Variants in CACNA2D1 observed in about 807,000 individuals in gnomAD.
The protein encoded by CACNA2D1 is calcium voltage-gated channel auxiliary subunit alpha2delta 1.
Under a neutral mutation model 171.5 loss-of-function variants are expected in CACNA2D1, and 53 were observed. The ratio of observed to expected loss-of-function variants is 0.31; its 90% confidence interval spans 0.25 to 0.39. The LOEUF (loss-of-function observed/expected upper bound fraction) is 0.39. CACNA2D1 is among the 10% of genes least tolerant of loss of function. The probability of loss-of-function intolerance (pLI) is 1.00; values close to 1 mark genes in which losing one functional copy is unlikely to be tolerated. For missense variants in CACNA2D1, 903 were observed against 1,299.8 expected (o/e 0.69, Z 4.69); for synonymous variants, 442 against 443.1 (o/e 1.00, Z 0.03).
chr7:82,427,491 T>A (rs1387549335), intron 1 of CACNA2D1, among the ~76,000 whole-genome samples: 1 of 152,200 alleles, frequency 6.6e-6, no homozygotes, highest in African/African-American at 2.4e-5. Flanking sequence ...AGGTCTTACA[T>A]CTAGTTAATG....
chr7:82,223,900 A>G (rs1219620837), intron 3 of CACNA2D1, among the ~76,000 whole-genome samples: 1 of 151,506 alleles, frequency 6.6e-6, no homozygotes, highest in Non-Finnish European at 1.5e-5. Context: ...ACTCCACCCC[A>G]CTCCAATTTC....
intron 3 of CACNA2D1, among the ~76,000 whole-genome samples, chr7:82,201,987 T>C (rs1799486271): frequency 6.6e-6 from 1 of 152,126 alleles, no homozygotes; most frequent in South Asian, 2.1e-4. Context: ...TACTGTCCTG[T>C]AAGGAAAACG....
intron 3 of CACNA2D1, among the ~76,000 whole-genome samples, chr7:82,259,797 T>A (rs1806840426): frequency 6.6e-6 from 1 of 152,226 alleles, no homozygotes; most frequent in African/African-American, 2.4e-5. Context: ...GACTACTGAC[T>A]AACACTTATT....
At chr7:82,241,823 T>G (rs1804334498) in intron 3 of CACNA2D1, among the ~76,000 whole-genome samples, 1 of 152,142 alleles carries the variant, frequency 6.6e-6, no homozygotes, top group South Asian at 2.1e-4. Flanking sequence ...AATGGCAAGG[T>G]AAGAGCAGGA....
chr7:82,195,731 G>A (rs2129194941), intron 3 of CACNA2D1, among the ~76,000 whole-genome samples: 1 of 151,344 alleles, frequency 6.6e-6, no homozygotes, highest in Admixed American at 6.6e-5. Flanking sequence ...TTCACAGCTT[G>A]GCCTGGCTCA....
intron 7 of CACNA2D1, among the ~76,000 whole-genome samples, chr7:82,080,190 T>C (rs1809579667): frequency 6.6e-6 from 1 of 151,162 alleles, no homozygotes; most frequent in Non-Finnish European, 1.5e-5. Flanking sequence ...TAAAAATAAA[T>C]TGCTCACCTG....
intron 12 of CACNA2D1, among the ~76,000 whole-genome samples, chr7:82,030,470 T>A (rs910962029): frequency 1.3e-5 from 2 of 151,556 alleles, no homozygotes; most frequent in East Asian, 3.9e-4. Context: ...TTCTTATTTA[T>A]ATACTTTTAG....
intron 1 of CACNA2D1, among the ~76,000 whole-genome samples, chr7:82,394,812 T>A (rs565525558): frequency 6.6e-6 from 1 of 152,300 alleles, no homozygotes; most frequent in Admixed American, 6.5e-5. Context: ...AACTTCAAAC[T>A]TTTATTAGTG....
At chr7:82,439,733 A>G (rs189735943) in intron 1 of CACNA2D1, among the ~76,000 whole-genome samples, 2 of 151,488 alleles carry the variant, frequency 1.3e-5, no homozygotes, top group Admixed American at 1.3e-4. Flanking sequence ...AAATATATCT[A>G]TTGTTGCATA....
chr7:82,095,938 G>C (rs258660), intron 6 of CACNA2D1, among the ~76,000 whole-genome samples: 123,170 of 152,160 alleles, frequency 0.81, 49,947 homozygotes, highest in Middle Eastern at 0.89. Context: ...TCTGAAGAGC[G>C]TGGTGTAAAT....
intron 3 of CACNA2D1, among the ~76,000 whole-genome samples, chr7:82,251,479 A>G (rs1008685491): frequency 5.3e-5 from 8 of 152,192 alleles, no homozygotes; most frequent in African/African-American, 1.9e-4. Flanking sequence ...CTCAAAGGAA[A>G]TATTTACATA....
At chr7:81,988,634 G>A (rs181704064) in intron 21 of CACNA2D1, among the ~76,000 whole-genome samples, 183 of 152,214 alleles carry the variant, frequency 1.2e-3, no homozygotes, top group Non-Finnish European at 1.4e-3. Flanking sequence ...AGAGACTTCC[G>A]TACTTAAATA....
rs1187780657 is a variant in CACNA2D1 at position 82,032,851 on chromosome 7, A to G, written c.1089T>C (p.Asp363=). Residue 363 remains aspartate, a synonymous_variant, in exon 12 of 39, where the codon GAT becomes GAC. Transcript: ENST00000356860. ...TCTCCTGGGCTCTCTCTTCTCCTCC[A>G]TCCGTGAATAGCATAATAATCTTAT... ...NCNKIIMLFT[D]GGEERAQEIF... 1 of 1,603,594 alleles carries G rather than the reference A, an allele frequency of 6.2e-7. No individual in the cohort carries two copies. Among genetic ancestry groups the G allele is most frequent in the South Asian group, 1.1e-5 (1 of 90,838 alleles).
chr7:82,163,510 A>T (rs535698209), intron 4 of CACNA2D1, among the ~76,000 whole-genome samples: 114 of 152,162 alleles, frequency 7.5e-4, no homozygotes, highest in Non-Finnish European at 1.4e-3. Flanking sequence ...ATGAGGGTAA[A>T]GTAAGAAATA....
intron 4 of CACNA2D1, among the ~76,000 whole-genome samples, chr7:82,149,145 C>T (rs1793497378): frequency 6.6e-6 from 1 of 152,134 alleles, no homozygotes; most frequent in African/African-American, 2.4e-5. Context: ...GAGACTACAC[C>T]TTAGCCATGT....
rs1225360918 is a variant in CACNA2D1, at chr7:81,969,987, A to G, written c.2205-3T>C. On this transcript the variant is annotated splice_region_variant and splice_polypyrimidine_tract_variant and intron_variant, in intron 27 of 38. Transcript: ENST00000356860. ...TTTCTTGCCAATTTTCTCCAGCCCT[A>G]AGGAGGAAATGGCTCATCATTTGTA... is the stretch of plus-strand genomic sequence containing the variant. 1 of 1,556,160 alleles carries G rather than the reference A, an allele frequency of 6.4e-7. No homozygotes were observed. The highest frequency in any genetic ancestry group is 1.1e-5 in the South Asian group (1 of 89,848).
intron 3 of CACNA2D1, among the ~76,000 whole-genome samples, chr7:82,241,874 G>A (rs1343554145): frequency 6.6e-6 from 1 of 152,100 alleles, no homozygotes; most frequent in East Asian, 1.9e-4. Flanking sequence ...GTAAATTTGT[G>A]TCATTTTTCA....
In CACNA2D1 at chr7:81,947,881, C is replaced by T. The variant is rs1792163347; in HGVS notation, c.*2511G>A. The T allele has an allele frequency of 6.6e-6, 1 of 151,776 alleles. No individual in the cohort carries two copies. The highest frequency in any genetic ancestry group is 1.5e-5 in the Non-Finnish European group (1 of 67,820). 9.4% of individuals were successfully genotyped at this position (151,776 alleles called of 1,614,324 possible). A position where few individuals can be genotyped will look rare whatever the true frequency, so the allele number is the denominator to read the frequency against. On this transcript the variant is annotated 3_prime_UTR_variant, in exon 39 of 39. Coordinates refer to ENST00000356860, the MANE Select transcript of CACNA2D1 (RefSeq NM_000722.4). The stretch of plus-strand genomic sequence containing the variant: ...CTTGTTCTTACCCAATTTGTAATTG[C>T]ATTTATGGTTGTCATAATATATAAC...
intron 2 of CACNA2D1, among the ~76,000 whole-genome samples, chr7:82,341,672 G>A (rs1818649600): frequency 6.6e-6 from 1 of 152,128 alleles, no homozygotes; most frequent in African/African-American, 2.4e-5. Flanking sequence ...CTGCTAAAAT[G>A]TATTAATTCA....
Sources: allele counts gnomAD v4.1 joint callset (sites outside exome capture counted in the v4.1 genomes callset), GRCh38; gene constraint gnomAD v4.1.1; transcripts MANE v1.5; gene names NCBI Gene and HGNC (gene_info 2026-07-23, HGNC 2026-07-21).